The following PTPRU variants were observed in gnomAD, a reference collection of about 807,000 sequenced individuals.
PTPRU encodes protein tyrosine phosphatase receptor type U.
In PTPRU, 69 loss-of-function variants were observed where a neutral mutation model predicts 166.3. The observed-to-expected ratio is 0.41, with a 90% CI of 0.34 to 0.51. The LOEUF (loss-of-function observed/expected upper bound fraction) is 0.51. PTPRU is among the 20% of genes least tolerant of loss of function. PTPRU has a pLI of 0.09. For synonymous variants in PTPRU, 793 were observed against 814.0 expected (o/e 0.97, Z 0.44); for missense variants, 1,657 against 2,013.7 (o/e 0.82, Z 3.39).
chr1:29,240,486 G>A (rs1012318220), intron 1 of PTPRU, among the ~76,000 whole-genome samples: 4 of 152,132 alleles, frequency 2.6e-5, no homozygotes, highest in African/African-American at 9.7e-5. Flanking sequence ...TCCACTGAAG[G>A]TAGAGATTGA....
At chr1:29,313,270 G>A (rs1355233615) in intron 22 of PTPRU, among the ~76,000 whole-genome samples, 1 of 152,106 alleles carries the variant, frequency 6.6e-6, no homozygotes, top group African/African-American at 2.4e-5. Flanking sequence ...CCCCTGGAGA[G>A]CGTAACCCCC....
At chr1:29,298,289 A>C (rs965914592) in intron 15 of PTPRU, among the ~76,000 whole-genome samples, 7 of 146,276 alleles carry the variant, frequency 4.8e-5, no homozygotes, top group Admixed American at 4.8e-4. Context: ...AAAAAAAAAA[A>C]CCAAAACGTG....
chr1:29,298,703 A>G (rs999940619), intron 15 of PTPRU, among the ~76,000 whole-genome samples: 5 of 152,160 alleles, frequency 3.3e-5, no homozygotes, highest in African/African-American at 1.2e-4. Context: ...ATGCCCATCA[A>G]TGCCCCTTAA....
At position 29,315,233 on chromosome 1, in the gene PTPRU, A is replaced by G; in HGVS notation, c.3228-139A>G. On this transcript the variant is annotated intron_variant, in intron 22 of 29. Coordinates refer to ENST00000373779, the MANE Select transcript of PTPRU (RefSeq NM_133178.4). This position sits in a 1 kb window ranked among gnomAD's most constrained non-coding sequence, Gnocchi z 4.5. ...CCAGCAGCCTGCGTCCTGGCTCCTT[A>G]CTCGGGGAGGGGCAGTCATCTCTGT... 9.4e-7 allele frequency: 1 copy of G among 1,061,214 alleles called. No individual in the cohort carries two copies. Among genetic ancestry groups the G allele is most frequent in the Non-Finnish European group, 1.4e-6 (1 of 737,554 alleles). The allele number at this position is 1,061,214 out of a possible 1,614,324, so 65.7% of individuals were successfully genotyped here.
Position 29,260,659 on chromosome 1 carries a change from C to T in PTPRU, c.900C>T (p.Thr300=). 6.5e-7 allele frequency: 1 copy of T among 1,534,138 alleles called. No homozygotes were observed. The highest frequency in any genetic ancestry group is 8.8e-7 in the Non-Finnish European group (1 of 1,137,254). ...CACAGCTGCTGCGTGCTGGCCCCAC[C>T]TACCTCATCATCCAGCTCAACACCA... is the stretch of plus-strand genomic sequence containing the variant. ...APPQLLRAGP[T]YLIIQLNTNS... is the part of the protein sequence containing the mutation. Residue 300 remains threonine (T), a synonymous_variant, in exon 7 of 30, where the codon ACC becomes ACT. Coordinates refer to ENST00000373779, the MANE Select transcript of PTPRU (RefSeq NM_133178.4). The surrounding 1 kb of genome is among the most constrained non-coding windows in gnomAD (Gnocchi z 8.3).
At chr1:29,265,663 A>G (rs1685268750) in intron 7 of PTPRU, among the ~76,000 whole-genome samples, 1 of 152,092 alleles carries the variant, frequency 6.6e-6, no homozygotes. Flanking sequence ...GCACCTGGAC[A>G]AACATCTTTT....
chr1:29,317,488 G>A lies in PTPRU; in HGVS notation c.3514-260G>A, dbSNP rs1308105132. On this transcript the variant is annotated intron_variant, in intron 24 of 29. Transcript: ENST00000373779. This position sits in a 1 kb window ranked among gnomAD's most constrained non-coding sequence, Gnocchi z 5.6. ...TCCCTATTTCACAGTCGAGGAAACT[G>A]AGGCTGAGAGATGCAGTAGCTTGTC... is the stretch of plus-strand genomic sequence containing the variant. Among the ~76,000 whole-genome samples, 1 of 152,160 alleles carries A rather than the reference G, an allele frequency of 6.6e-6. No individual in the cohort carries two copies. The highest frequency in any genetic ancestry group is 1.5e-5 in the Non-Finnish European group (1 of 68,038).
chr1:29,283,999 G>A, intron 13 of PTPRU, 23 bp downstream of exon 13: 1 of 1,613,086 alleles, frequency 6.2e-7, no homozygotes, highest in Non-Finnish European at 8.5e-7. Context: ...AGTTCCTGCA[G>A]CCTTTCAGCG....
chr1:29,238,500 G>C lies in PTPRU; in HGVS notation c.73+1783G>C, dbSNP rs1411540909. Among the ~76,000 whole-genome samples, 1 of 152,284 alleles carries C rather than the reference G, an allele frequency of 6.6e-6. No individual in the cohort carries two copies. The highest frequency in any genetic ancestry group is 6.5e-5 in the Admixed American group (1 of 15,304). On this transcript the variant is annotated intron_variant, in intron 1 of 29. Transcript: ENST00000373779. This position sits in a 1 kb window ranked among gnomAD's most constrained non-coding sequence, Gnocchi z 6.1. ...CCAGCCGCAGACAACTGACCTCCCC[G>C]GCATCGCGTTCGCGGCCCTGCTGCT...
chr1:29,302,187 T>C (rs1474927278), intron 15 of PTPRU, among the ~76,000 whole-genome samples: 2 of 144,338 alleles, frequency 1.4e-5, no homozygotes, highest in African/African-American at 2.8e-5. Context: ...GTGTGTGTCT[T>C]AGTTTTTAAC....
rs371247916 is a variant in PTPRU, at chr1:29,291,996, T to A, written c.2446T>A (p.Phe816Ile). 6.2e-7 allele frequency: 1 copy of A among 1,614,140 alleles called. No individual in the cohort carries two copies. Among genetic ancestry groups the A allele is most frequent in the Non-Finnish European group, 8.5e-7 (1 of 1,180,014 alleles). Residue 816 changes from phenylalanine to isoleucine, a missense_variant, in exon 15 of 30, where the codon TTC becomes ATC. Around this residue, in one of 3 missense-constraint regions of PTPRU, gnomAD observed 1,190 missense variants for 1,477.4 expected, o/e 0.81. Coordinates refer to ENST00000373779, the MANE Select transcript of PTPRU (RefSeq NM_133178.4). This position sits in a 1 kb window ranked among gnomAD's most constrained non-coding sequence, Gnocchi z 4.1. ...GGAGGACGAGCGGCTGGGCCTGTCC[T>A]TCATGGACACCCATGGCTACAGCAC... ...LQEDERLGLS[F>I]MDTHGYSTRG...
chr1:29,313,241 C>T (rs1319322159), intron 22 of PTPRU, among the ~76,000 whole-genome samples: 1 of 152,140 alleles, frequency 6.6e-6, no homozygotes, highest in Non-Finnish European at 1.5e-5. Flanking sequence ...GTACGCTGTC[C>T]TGGCCTGCCC....
intron 5 of PTPRU, 108 bp from the exon 6 acceptor site, chr1:29,259,762 C>A: frequency 7.4e-7 from 1 of 1,354,070 alleles, no homozygotes; most frequent in Non-Finnish European, 9.8e-7. Context: ...CTCCAGGAAC[C>A]TATGTCCGCG....
rs943144836 is a variant in PTPRU, at chr1:29,260,035, A to T, written c.841A>T (p.Ile281Phe). The T allele has an allele frequency of 6.9e-7, 1 of 1,448,558 alleles. No homozygotes were observed. Among genetic ancestry groups the T allele is most frequent in the African/African-American group, 1.5e-5 (1 of 66,958 alleles). The allele number at this position is 1,448,558 out of a possible 1,614,324, so 89.7% of individuals were successfully genotyped here. ...GGGCGTCTCTAACTTCGCGGAGCTCATCGTCAAGGGTCAGCTGGTGGACGC... is the reference window on the plus strand; with the variant it reads ...GGGCGTCTCTAACTTCGCGGAGCTCTTCGTCAAGGGTCAGCTGGTGGACGC... ...GAGVSNFAELIVKEPPTPIAP... is the reference protein window; with the variant it reads ...GAGVSNFAELFVKEPPTPIAP... Residue 281 changes from isoleucine to phenylalanine, a missense_variant, in exon 6 of 30, where the codon ATC (isoleucine) becomes TTC (phenylalanine). Coordinates refer to ENST00000373779, the MANE Select transcript of PTPRU (RefSeq NM_133178.4). This position sits in a 1 kb window ranked among gnomAD's most constrained non-coding sequence, Gnocchi z 8.3.
chr1:29,239,048 C>G (rs1306966488), intron 1 of PTPRU, among the ~76,000 whole-genome samples: 1 of 152,210 alleles, frequency 6.6e-6, no homozygotes, highest in Non-Finnish European at 1.5e-5. Context: ...AAGCCCCAGA[C>G]AGAGGCTGTG....
intron 16 of PTPRU, 78 bp from the exon 17 acceptor site, chr1:29,304,696 A>T: frequency 8.7e-7 from 1 of 1,152,208 alleles, no homozygotes; most frequent in Non-Finnish European, 1.2e-6. Context: ...CATCCTGCCT[A>T]CATCATCCCC....
At position 29,269,420 on chromosome 1, in the gene PTPRU, G is replaced by A. The variant is rs368413378; in HGVS notation, c.1145-6028G>A. On this transcript the variant is annotated intron_variant, in intron 7 of 29. Coordinates refer to ENST00000373779, the MANE Select transcript of PTPRU (RefSeq NM_133178.4). ...TAATCCAGTGTTTTTAACAGCAGCA[G>A]CAGCAGCTGCTGCTGCCACCATCAT... Among the ~76,000 whole-genome samples the A allele has an allele frequency of 5.0e-4, 76 of 151,502 alleles. 1 individual carries two copies. The South Asian group carries it at 9.6e-3, about 19-fold the overall frequency.
In PTPRU at chr1:29,279,927, A is replaced by G; in HGVS notation, c.1766-112A>G. 1 of 1,163,644 alleles carries G rather than the reference A, an allele frequency of 8.6e-7. No individual in the cohort carries two copies. The highest frequency in any genetic ancestry group is 1.2e-6 in the Non-Finnish European group (1 of 814,948). The allele number at this position is 1,163,644 out of a possible 1,614,324, so 72.1% of individuals were successfully genotyped here. A position where few individuals can be genotyped will look rare whatever the true frequency, so the allele number is the denominator to read the frequency against. On this transcript the variant is annotated intron_variant, in intron 10 of 29. Transcript: ENST00000373779. The surrounding 1 kb of genome is among the most constrained non-coding windows in gnomAD (Gnocchi z 5.2). ...TCAGGTCATGTCAGCAGGAACAAAGAGGCTAAGGCTGAAGTAGGGGAGATC... is the reference window on the plus strand; with the variant it reads ...TCAGGTCATGTCAGCAGGAACAAAGGGGCTAAGGCTGAAGTAGGGGAGATC...
intron 2 of PTPRU, among the ~76,000 whole-genome samples, chr1:29,256,300 T>G (rs1684768450): frequency 6.6e-6 from 1 of 152,106 alleles, no homozygotes; most frequent in African/African-American, 2.4e-5. Flanking sequence ...ATGAGACAAA[T>G]AAAGGCCAAA....
Sources: gnomAD v4.1 joint callset for allele counts (sites outside exome capture counted in the v4.1 genomes callset) on GRCh38, gnomAD v4.1.1 for gene constraint, gnomAD v4.1.1 regional missense constraint, Gnocchi (gnomAD v3.1) non-coding constraint, MANE v1.5 for transcripts, NCBI Gene and HGNC (gene_info 2026-07-23, HGNC 2026-07-21) for gene names.